Variants in NAV3 observed in about 807,000 individuals in gnomAD.
NAV3 encodes the protein pore membrane and/or filament interacting like protein 1.
In NAV3, 87 loss-of-function variants were observed where a neutral mutation model predicts 244.7. The observed-to-expected ratio is 0.36, with a 90% CI of 0.30 to 0.42. The LOEUF is 0.42. Ranked by LOEUF, NAV3 falls within the 20% of genes least tolerant of loss-of-function variation. The pLI, the probability that NAV3 is intolerant of heterozygous loss-of-function variation, is 1.00. For missense variants in NAV3, 2,663 were observed against 2,893.3 expected, an observed-to-expected ratio of 0.92 and a Z score of 1.83; for synonymous variants, 1,126 against 1,042.2, an observed-to-expected ratio of 1.08 and a Z score of -1.55.
rs1448785634 is a variant in NAV3 at position 77,592,698 on chromosome 12, C to T, written c.72+20432C>T. Among the ~76,000 whole-genome samples the T allele has an allele frequency of 2.6e-5, 4 of 152,268 alleles. No individual in the cohort carries two copies. The East Asian group carries it at 7.7e-4, about 29-fold the overall frequency. ...CATGTGTTGTACTTTTTCACGTACG[C>T]TAAATTGCTAAATTCTCCTAAATTC... is the stretch of plus-strand genomic sequence containing the variant. On this transcript the variant is annotated intron_variant, in intron 2 of 8. Transcript: ENST00000550042.
intron 18 of NAV3, 92 bp from the exon 19 acceptor site, chr12:78,137,085 A>G: frequency 8.5e-7 from 1 of 1,170,636 alleles, no homozygotes; most frequent in South Asian, 1.6e-5. Context: ...ATGTTTTCAT[A>G]AGTATTGGGA....
rs545394034 is a variant in NAV3, at chr12:78,009,596, A to G, written c.1907+2151A>G. Among the ~76,000 whole-genome samples, 216 of 152,182 alleles carry G rather than the reference A, an allele frequency of 1.4e-3. 1 individual carries two copies. The highest frequency in any genetic ancestry group is 4.7e-3 in the African/African-American group (193 of 41,502). On this transcript the variant is annotated intron_variant, in intron 8 of 39. Transcript: ENST00000397909. ...GATCAGTTGTGTTACTTTGGGTCAT[A>G]TATGTAAAGATTCTGACCCACAATT...
chr12:77,995,316 GTTC>G (rs1410732657), intron 6 of NAV3, among the ~76,000 whole-genome samples: 1 of 152,174 alleles, frequency 6.6e-6, no homozygotes, highest in Middle Eastern at 3.2e-3. Flanking sequence ...AGTCTGGACT[GTTC>G]TTCTATCTAT....
intron 5 of NAV3, among the ~76,000 whole-genome samples, chr12:77,990,723 GTTTA>G (rs1396408782): frequency 2.6e-5 from 4 of 152,112 alleles, no homozygotes; most frequent in East Asian, 1.9e-4. Flanking sequence ...TTTAACAGTT[GTTTA>G]TTTGAGTCAG....
chr12:78,019,847 A>G (rs370197757), intron 8 of NAV3, among the ~76,000 whole-genome samples: 46 of 152,232 alleles, frequency 3.0e-4, no homozygotes, highest in African/African-American at 9.9e-4. Context: ...ATGAATCAGG[A>G]CCAGGTTTGT....
At chr12:77,718,665 C>T (rs56027494) in intron 2 of NAV3, among the ~76,000 whole-genome samples, 162 of 148,562 alleles carry the variant, frequency 1.1e-3, no homozygotes, top group African/African-American at 3.7e-3. Flanking sequence ...GATGTCTTTT[C>T]TTTTTTTTCG....
At chr12:78,179,245 A>G (rs556728708) in intron 28 of NAV3, among the ~76,000 whole-genome samples, 1 of 152,248 alleles carries the variant, frequency 6.6e-6, no homozygotes, top group East Asian at 1.9e-4. Flanking sequence ...TATAAATATC[A>G]CCAATAAAAG....
At chr12:78,125,034 A>G (rs1035656171) in intron 16 of NAV3, among the ~76,000 whole-genome samples, 4 of 152,158 alleles carry the variant, frequency 2.6e-5, no homozygotes, top group African/African-American at 9.6e-5. Flanking sequence ...TAGAAATGCA[A>G]GCAATAGCAA....
intron 2 of NAV3, among the ~76,000 whole-genome samples, chr12:77,597,692 GT>G (rs1309169277): frequency 2.0e-5 from 3 of 151,974 alleles, no homozygotes; most frequent in Non-Finnish European, 2.9e-5. Context: ...ATAGCTTCCA[GT>G]TTTTGCTCTC....
intron 1 of NAV3, among the ~76,000 whole-genome samples, chr12:77,885,316 A>C (rs1417812792): frequency 1.3e-5 from 2 of 152,152 alleles, no homozygotes; most frequent in African/African-American, 4.8e-5. Flanking sequence ...ATTAATCTGA[A>C]GTCTAAGGAA....
intron 2 of NAV3, among the ~76,000 whole-genome samples, chr12:77,756,664 T>A (rs1402622814): frequency 6.6e-6 from 1 of 152,232 alleles, no homozygotes; most frequent in Non-Finnish European, 1.5e-5. Context: ...ATTTTAGTCA[T>A]GCTTTAAAAA....
chr12:77,801,052 T>C (rs982082005), intron 2 of NAV3, among the ~76,000 whole-genome samples: 1 of 152,110 alleles, frequency 6.6e-6, no homozygotes, highest in African/African-American at 2.4e-5. Flanking sequence ...GTCTAAAAAA[T>C]TATTTTCTAA....
At position 77,873,830 on chromosome 12, in the gene NAV3, A is replaced by G. The variant is rs375090393; in HGVS notation, c.243+42126A>G. Among the ~76,000 whole-genome samples the G allele has an allele frequency of 5.3e-4, 79 of 147,730 alleles. 1 individual carries two copies. The South Asian group carries it at 0.016, about 31-fold the overall frequency. On this transcript the variant is annotated intron_variant, in intron 1 of 39. Coordinates refer to ENST00000397909, the MANE Select transcript of NAV3 (RefSeq NM_001024383.2). ...TATATTGTGTCAATTTGTTTTTTCA[A>G]GAACAATATGTAAGAATGTGCATTT...
intron 2 of NAV3, among the ~76,000 whole-genome samples, chr12:77,746,642 T>G (rs1868559741): frequency 6.6e-6 from 1 of 152,088 alleles, no homozygotes; most frequent in African/African-American, 2.4e-5. Flanking sequence ...GGAATGGAAG[T>G]AATTATAACA....
chr12:77,618,508 G>A (rs1871231154), intron 2 of NAV3, among the ~76,000 whole-genome samples: 1 of 152,060 alleles, frequency 6.6e-6, no homozygotes, highest in East Asian at 1.9e-4. Flanking sequence ...TGATACTATT[G>A]TTAGTATTTT....
intron 5 of NAV3, among the ~76,000 whole-genome samples, chr12:77,985,281 T>G (rs1870294863): frequency 6.6e-6 from 1 of 152,180 alleles, no homozygotes; most frequent in Admixed American, 6.5e-5. Context: ...TTTCAATGAT[T>G]AATTAATTGG....
chr12:77,991,323 C>T (rs773664326), intron 5 of NAV3, among the ~76,000 whole-genome samples: 4 of 152,070 alleles, frequency 2.6e-5, no homozygotes, highest in Non-Finnish European at 5.9e-5. Context: ...TGCGCCCAGC[C>T]TAGTTTTATT....
rs75680130 is a variant in NAV3, at chr12:78,095,689, G to T, written c.2637-21083G>T. On this transcript the variant is annotated intron_variant, in intron 12 of 39. Coordinates refer to ENST00000397909, the MANE Select transcript of NAV3 (RefSeq NM_001024383.2). The stretch of plus-strand genomic sequence containing the variant: ...GCAACACAGATGAAGACATGCAGAT[G>T]GAGGAAATAAAGATCCAGTTGAGCT... Among the ~76,000 whole-genome samples, 1,126 of 152,284 alleles carry T rather than the reference G, an allele frequency of 7.4e-3. 12 individuals are homozygous for T. Among genetic ancestry groups the T allele is most frequent in the African/African-American group, 0.025 (1,032 of 41,536 alleles).
At chr12:77,687,485 G>A (rs992122540) in intron 2 of NAV3, among the ~76,000 whole-genome samples, 1 of 152,074 alleles carries the variant, frequency 6.6e-6, no homozygotes, top group Non-Finnish European at 1.5e-5. Context: ...GATCTAAAAT[G>A]CCTGAATCTG....
Sources: allele counts gnomAD v4.1 joint callset (sites outside exome capture counted in the v4.1 genomes callset), GRCh38; gene constraint gnomAD v4.1.1; transcripts MANE v1.5; gene names NCBI Gene and HGNC (gene_info 2026-07-23, HGNC 2026-07-21).